DENND5B: variants seen among roughly 807,000 people sequenced by gnomAD.
DENND5B encodes the protein DENN domain-containing protein 5B.
In DENND5B, 34 loss-of-function variants were observed where a neutral mutation model predicts 140.6. That is an observed-to-expected ratio of 0.24 (90% CI 0.18 to 0.32). The LOEUF (loss-of-function observed/expected upper bound fraction) is 0.32, where lower values mean the gene tolerates loss of function less well. Ranked by LOEUF, DENND5B falls within the 10% of genes least tolerant of loss-of-function variation. DENND5B has a pLI of 1.00. For synonymous variants in DENND5B, 551 were observed against 562.1 expected (o/e 0.98, Z 0.28); for missense variants, 1,142 against 1,560.2 (o/e 0.73, Z 4.52).
intron 1 of DENND5B, among the ~76,000 whole-genome samples, chr12:31,560,850 T>A (rs1057019534): frequency 5.3e-5 from 8 of 152,186 alleles, no homozygotes; most frequent in African/African-American, 1.9e-4. Flanking sequence ...TCCCTTACTT[T>A]CTTAAGTCTT....
In DENND5B at chr12:31,500,458, T is replaced by C. The variant is rs940678604; in HGVS notation, c.128-4539A>G. On this transcript the variant is annotated intron_variant, in intron 1 of 20. Transcript: ENST00000389082. ...ACTTCGGGAGGCCGAGGCAGGTGAA[T>C]TGCTTGAGGTCAGGAGTTCGAGACC... is the stretch of plus-strand genomic sequence containing the variant. The C allele has an allele frequency of 1.1e-5, 5 of 441,510 alleles. No individual in the cohort carries two copies. The highest frequency in any genetic ancestry group is 2.2e-5 in the Non-Finnish European group (5 of 222,612). 27.3% of individuals were successfully genotyped at this position (441,510 alleles called of 1,614,324 possible).
intron 3 of DENND5B, among the ~76,000 whole-genome samples, chr12:31,470,651 G>C (rs12821808): frequency 6.6e-6 from 1 of 152,136 alleles, no homozygotes; most frequent in African/African-American, 2.4e-5. Context: ...TCAGAAGTGA[G>C]GACAGTCTTG....
intron 3 of DENND5B, among the ~76,000 whole-genome samples, chr12:31,464,409 A>T (rs77866739): frequency 6.6e-6 from 1 of 152,170 alleles, no homozygotes; most frequent in Admixed American, 6.6e-5. Flanking sequence ...CCAGAGTACT[A>T]TCTACATGCT....
Position 31,399,127 on chromosome 12 carries a change from C to CAAAAAAA in DENND5B, c.3068+520_3068+526dup, listed in dbSNP as rs1491109183. Among the ~76,000 whole-genome samples the CAAAAAAA allele has an allele frequency of 5.1e-4, 7 of 13,860 alleles. 1 individual carries two copies. The highest frequency in any genetic ancestry group is 2.2e-3 in the Admixed American group (2 of 906). The allele number at this position is 13,860 out of a possible 152,430, so 9.1% of individuals were successfully genotyped here. The stretch of plus-strand genomic sequence containing the variant: ...ACAAGAGTGAAACTCTGTCTCAGCC[C>CAAAAAAA]AAAAAAAAAAAAAAAAAAGAGAGAG... On this transcript the variant is annotated intron_variant, in intron 16 of 20. Transcript: ENST00000389082.
chr12:31,421,885 G>A (rs1439752558), intron 11 of DENND5B, among the ~76,000 whole-genome samples: 1 of 152,082 alleles, frequency 6.6e-6, no homozygotes, highest in Non-Finnish European at 1.5e-5. Context: ...AAAACTGGCA[G>A]AGAAGATGGA....
intron 16 of DENND5B, among the ~76,000 whole-genome samples, 185 bp from the exon 17 acceptor site, chr12:31,398,547 C>T (rs1745031130): frequency 6.6e-6 from 1 of 151,982 alleles, no homozygotes; most frequent in Admixed American, 6.6e-5. Context: ...AGTGATCCCC[C>T]CATCTCAGTC....
At chr12:31,492,453 C>T (rs901329749) in intron 2 of DENND5B, among the ~76,000 whole-genome samples, 2 of 152,158 alleles carry the variant, frequency 1.3e-5, no homozygotes, top group African/African-American at 4.8e-5. Flanking sequence ...CCACCTCAGC[C>T]TCCAGAGTAG....
At chr12:31,553,832 T>C (rs1038620489) in intron 1 of DENND5B, among the ~76,000 whole-genome samples, 4 of 152,234 alleles carry the variant, frequency 2.6e-5, no homozygotes, top group African/African-American at 7.2e-5. Context: ...CTTCTTTGTC[T>C]CTTTTGATCT....
At position 31,442,533 on chromosome 12, in the gene DENND5B, A is replaced by G. The variant is rs144926332; in HGVS notation, c.2012+242T>C. 1.5e-3 allele frequency among the ~76,000 whole-genome samples: 224 copies of G among 151,932 alleles called. 1 individual carries two copies. Among genetic ancestry groups the G allele is most frequent in the African/African-American group, 4.9e-3 (204 of 41,440 alleles). On this transcript the variant is annotated intron_variant, in intron 7 of 20. Coordinates refer to ENST00000389082, the MANE Select transcript of DENND5B (RefSeq NM_144973.4). ...TTTAAAGTGTGGCTTTTCCAAGTGTACTTTGCTTGAAAAAGAAAAAAAAAT... is the reference window on the plus strand; with the variant it reads ...TTTAAAGTGTGGCTTTTCCAAGTGTGCTTTGCTTGAAAAAGAAAAAAAAAT...
At chr12:31,459,159 C>T (rs1016348332) in intron 4 of DENND5B, among the ~76,000 whole-genome samples, 4 of 151,600 alleles carry the variant, frequency 2.6e-5, no homozygotes, top group Non-Finnish European at 5.9e-5. Flanking sequence ...GCCAAGATCC[C>T]GCCATTGCAC....
At chr12:31,407,487 G>A (rs998935767) in intron 14 of DENND5B, among the ~76,000 whole-genome samples, 2 of 152,134 alleles carry the variant, frequency 1.3e-5, no homozygotes, top group Non-Finnish European at 2.9e-5. Flanking sequence ...CCTAATCAAC[G>A]AATAGTAACT....
At chr12:31,566,663 C>T (rs919907343) in intron 1 of DENND5B, among the ~76,000 whole-genome samples, 1 of 151,960 alleles carries the variant, frequency 6.6e-6, no homozygotes, top group Non-Finnish European at 1.5e-5. Flanking sequence ...TCCAGGAATA[C>T]CTTAAATTTC....
chr12:31,478,179 CA>C (rs1945908360), intron 3 of DENND5B, among the ~76,000 whole-genome samples: 1 of 152,034 alleles, frequency 6.6e-6, no homozygotes, highest in Non-Finnish European at 1.5e-5. Context: ...AACACATTAT[CA>C]AAGAACATTA....
chr12:31,404,759 C>CTTCTTTTT (rs1942021923), intron 14 of DENND5B, among the ~76,000 whole-genome samples: 1 of 74,064 alleles, frequency 1.4e-5, no homozygotes, highest in Non-Finnish European at 2.4e-5. Flanking sequence ...CGACCTCTAG[C>CTTCTTTTT]TTTTTTTTTT....
chr12:31,386,459 T>G lies in DENND5B; in HGVS notation c.*1144A>C, dbSNP rs1593024976. On this transcript the variant is annotated 3_prime_UTR_variant, in exon 21 of 21. Coordinates refer to ENST00000389082, the MANE Select transcript of DENND5B (RefSeq NM_144973.4). ...TTTAGCTTCTCTGGGTCAGTTGTTT[T>G]ACATTATTACTCCCCTTCCTACAAA... 6.6e-6 allele frequency: 1 copy of G among 152,484 alleles called. No individual in the cohort carries two copies. Among genetic ancestry groups the G allele is most frequent in the South Asian group, 2.1e-4 (1 of 4,830 alleles). The allele number at this position is 152,484 out of a possible 1,614,324, so 9.4% of individuals were successfully genotyped here.
chr12:31,522,599 C>T (rs1947939227), intron 1 of DENND5B, among the ~76,000 whole-genome samples: 1 of 152,110 alleles, frequency 6.6e-6, no homozygotes, highest in Admixed American at 6.5e-5. Context: ...CACACACCAT[C>T]ATGCCCGGCT....
chr12:31,427,365 G>C lies in DENND5B; in HGVS notation c.2107-941C>G, dbSNP rs144786359. ...CACGTCTGTAATCCCAGCACTTTGG[G>C]AAGCCGAGGTGGGTGGATCACCAGA... is the stretch of plus-strand genomic sequence containing the variant. On this transcript the variant is annotated intron_variant, in intron 8 of 20. Transcript: ENST00000389082. Among the ~76,000 whole-genome samples, 1,376 of 152,172 alleles carry C rather than the reference G, an allele frequency of 9.0e-3. 19 individuals carry two copies. The highest frequency in any genetic ancestry group is 0.031 in the African/African-American group (1,281 of 41,504).
intron 3 of DENND5B, 46 bp downstream of exon 3, chr12:31,479,543 C>G: frequency 7.0e-7 from 1 of 1,436,522 alleles, no homozygotes; most frequent in African/African-American, 1.4e-5. Context: ...TAGTTGGGAG[C>G]AAAAGTACTT....
intron 20 of DENND5B, among the ~76,000 whole-genome samples, chr12:31,388,290 GA>G (rs1442597232): frequency 3.0e-5 from 4 of 133,102 alleles, no homozygotes; most frequent in Non-Finnish European, 6.3e-5. Context: ...AATCAAAGCA[GA>G]AAAACATTAA....
Sources: allele counts gnomAD v4.1 joint callset (sites outside exome capture counted in the v4.1 genomes callset), GRCh38; gene constraint gnomAD v4.1.1; transcripts MANE v1.5; gene names NCBI Gene and HGNC (gene_info 2026-07-23, HGNC 2026-07-21).